The following MDGA2 variants were observed in gnomAD, a reference collection of about 807,000 sequenced individuals.
MDGA2 encodes MAM domain-containing glycosylphosphatidylinositol anchor protein 2.
A neutral mutation model predicts 117.8 loss-of-function variants in MDGA2; 40 were observed. The ratio of observed to expected loss-of-function variants is 0.34; its 90% CI spans 0.26 to 0.44. The LOEUF (loss-of-function observed/expected upper bound fraction) is 0.44. MDGA2 is among the 20% of genes least tolerant of loss of function. The pLI, the probability that MDGA2 is intolerant of heterozygous loss-of-function variation, is 1.00. For synonymous variants in MDGA2, 452 were observed against 439.0 expected (o/e 1.03, Z -0.37); for missense variants, 1,123 against 1,250.6 (o/e 0.90, Z 1.54).
At chr14:47,484,918 C>T (rs1238011278) in intron 1 of MDGA2, among the ~76,000 whole-genome samples, 1 of 152,040 alleles carries the variant, frequency 6.6e-6, no homozygotes, top group Non-Finnish European at 1.5e-5. Flanking sequence ...TCCAATTAAG[C>T]CTCTTATTAT....
intron 1 of MDGA2, among the ~76,000 whole-genome samples, chr14:47,611,566 C>G (rs937201778): frequency 6.6e-6 from 1 of 151,964 alleles, no homozygotes; most frequent in Non-Finnish European, 1.5e-5. Flanking sequence ...AGACAATTCT[C>G]AAAAGAAGAT....
intron 1 of MDGA2, among the ~76,000 whole-genome samples, chr14:47,623,286 T>C (rs1029310355): frequency 6.6e-6 from 1 of 152,152 alleles, no homozygotes; most frequent in African/African-American, 2.4e-5. Context: ...TCCAAAACTG[T>C]GAGACATAAA....
chr14:47,427,322 T>A (rs1313598710), intron 1 of MDGA2, among the ~76,000 whole-genome samples: 1 of 152,124 alleles, frequency 6.6e-6, no homozygotes, highest in Non-Finnish European at 1.5e-5. Context: ...AAATCCTTTT[T>A]AGCTATGGAA....
chr14:46,914,444 G>T (rs1048701340), intron 10 of MDGA2, among the ~76,000 whole-genome samples: 2 of 151,926 alleles, frequency 1.3e-5, no homozygotes, highest in African/African-American at 4.8e-5. Context: ...CAGAATTTCA[G>T]TGCTTTTTTT....
chr14:47,559,940 A>T (rs1219835587), intron 1 of MDGA2, among the ~76,000 whole-genome samples: 9 of 152,180 alleles, frequency 5.9e-5, no homozygotes. Context: ...TTGCTGGGTC[A>T]AATGGCACGT....
At chr14:47,176,623 T>C (rs1884462173) in intron 3 of MDGA2, among the ~76,000 whole-genome samples, 1 of 152,194 alleles carries the variant, frequency 6.6e-6, no homozygotes, top group Non-Finnish European at 1.5e-5. Context: ...ACTGGATCCC[T>C]TCCTTACACC....
At position 47,095,100 on chromosome 14, in the gene MDGA2, C is replaced by T. The variant is rs1416694893; in HGVS notation, c.1195+1754G>A. ...TGCAGTCACACTCATGCATTCCTTA[C>T]ATTTGCTGAGTCCTTAGCCCATGGT... On this transcript the variant is annotated intron_variant, in intron 6 of 16. Transcript: ENST00000399232. Among the ~76,000 whole-genome samples the T allele has an allele frequency of 2.6e-5, 4 of 152,014 alleles. No individual in the cohort carries two copies. The East Asian group carries it at 7.7e-4, about 29-fold the overall frequency.
intron 3 of MDGA2, among the ~76,000 whole-genome samples, chr14:47,187,658 A>C (rs983574994): frequency 2.6e-5 from 4 of 152,082 alleles, no homozygotes; most frequent in Non-Finnish European, 5.9e-5. Flanking sequence ...TCCTCTTTAA[A>C]AGTTTTGGAT....
chr14:47,082,957 T>C (rs1368354270), intron 6 of MDGA2, among the ~76,000 whole-genome samples: 4 of 151,978 alleles, frequency 2.6e-5, no homozygotes, highest in Non-Finnish European at 5.9e-5. Context: ...ATATGTCTAC[T>C]AGTAGATTAG....
chr14:47,033,381 T>C (rs1888730575), intron 8 of MDGA2, among the ~76,000 whole-genome samples: 1 of 152,184 alleles, frequency 6.6e-6, no homozygotes, highest in Non-Finnish European at 1.5e-5. Flanking sequence ...ATTGCACTAA[T>C]AGCTGCAGGA....
intron 3 of MDGA2, among the ~76,000 whole-genome samples, chr14:47,211,242 C>T (rs1299771660): frequency 1.3e-5 from 2 of 152,036 alleles, no homozygotes; most frequent in Admixed American, 1.3e-4. Flanking sequence ...TTAAAAGATA[C>T]CTTTGGCCTT....
intron 3 of MDGA2, among the ~76,000 whole-genome samples, chr14:47,174,103 C>T (rs1360067685): frequency 2.0e-5 from 3 of 152,076 alleles, no homozygotes; most frequent in Non-Finnish European, 4.4e-5. Context: ...GGTAACTATC[C>T]TAAATATATA....
intron 1 of MDGA2, among the ~76,000 whole-genome samples, chr14:47,388,046 G>A (rs1891800826): frequency 6.6e-6 from 1 of 152,160 alleles, no homozygotes; most frequent in Non-Finnish European, 1.5e-5. Context: ...CGAAAATGAT[G>A]ACAAACACTA....
At chr14:47,604,673 A>T (rs1896710533) in intron 1 of MDGA2, among the ~76,000 whole-genome samples, 1 of 151,976 alleles carries the variant, frequency 6.6e-6, no homozygotes, top group South Asian at 2.1e-4. Flanking sequence ...ATTTTAAAGG[A>T]CCACATATTC....
intron 8 of MDGA2, among the ~76,000 whole-genome samples, chr14:46,988,255 CAAAT>C (rs1283436288): frequency 6.6e-6 from 1 of 151,352 alleles, no homozygotes; most frequent in African/African-American, 2.4e-5. Context: ...AAACTAGAGT[CAAAT>C]AAAAAGAAGC....
At chr14:47,272,919 A>T (rs1408910271) in intron 2 of MDGA2, among the ~76,000 whole-genome samples, 1 of 152,162 alleles carries the variant, frequency 6.6e-6, no homozygotes, top group African/African-American at 2.4e-5. Flanking sequence ...ACTATAAAAA[A>T]ATACAACTCC....
At chr14:47,142,224 G>T (rs377431059) in intron 4 of MDGA2, among the ~76,000 whole-genome samples, 8 of 152,048 alleles carry the variant, frequency 5.3e-5, no homozygotes, top group African/African-American at 1.9e-4. Flanking sequence ...CAGGTGGATT[G>T]CTTGAGGTCA....
At chr14:46,921,219 A>G (rs1040421401) in intron 9 of MDGA2, among the ~76,000 whole-genome samples, 7 of 152,076 alleles carry the variant, frequency 4.6e-5, no homozygotes, top group Non-Finnish European at 1.0e-4. Flanking sequence ...TTTTTTCCAG[A>G]CTTTTCATGT....
At chr14:47,191,863 C>T (rs1566673846) in intron 3 of MDGA2, among the ~76,000 whole-genome samples, 2 of 150,002 alleles carry the variant, frequency 1.3e-5, no homozygotes, top group African/African-American at 2.5e-5. Flanking sequence ...CCATGATGAG[C>T]ACATAGGGAG....
Sources: gnomAD v4.1 joint callset for allele counts (sites outside exome capture counted in the v4.1 genomes callset) on GRCh38, gnomAD v4.1.1 for gene constraint, MANE v1.5 for transcripts, NCBI Gene and HGNC (gene_info 2026-07-23, HGNC 2026-07-21) for gene names.